Variants in ZNF148 observed in about 807,000 individuals in gnomAD.
The protein encoded by ZNF148 is zinc finger protein 148.
Under a neutral mutation model 67.7 loss-of-function variants are expected in ZNF148, and 7 were observed. The ratio of observed to expected loss-of-function variants is 0.10; its 90% CI spans 0.06 to 0.19. ZNF148 has a LOEUF of 0.19. ZNF148 is among the 10% of genes least tolerant of loss of function. ZNF148 has a pLI of 1.00. For missense variants in ZNF148, 583 were observed against 947.1 expected, an observed-to-expected ratio of 0.62 and a Z score of 5.05; for synonymous variants, 333 against 330.7, an observed-to-expected ratio of 1.01 and a Z score of -0.08.
chr3:125,263,917 C>T (rs986249218), intron 7 of ZNF148, among the ~76,000 whole-genome samples: 1 of 152,176 alleles, frequency 6.6e-6, no homozygotes, highest in African/African-American at 2.4e-5. Flanking sequence ...CCTCAACCTC[C>T]AGGAAGGGAA....
At chr3:125,236,546 G>A (rs1353655179) in intron 7 of ZNF148, among the ~76,000 whole-genome samples, 1 of 152,088 alleles carries the variant, frequency 6.6e-6, no homozygotes, top group African/African-American at 2.4e-5. Flanking sequence ...GGTGGGGAGG[G>A]AAATAACAGT....
chr3:125,331,348 T>G, intron 1 of ZNF148, 110 bp from the exon 2 acceptor site: 2 of 396,208 alleles, frequency 5.0e-6, no homozygotes, highest in South Asian at 2.7e-4. Flanking sequence ...TCTACCAAAA[T>G]TCTTTCCATG....
chr3:125,335,477 T>A (rs1267418275), intron 1 of ZNF148, among the ~76,000 whole-genome samples: 2 of 152,168 alleles, frequency 1.3e-5, no homozygotes, highest in African/African-American at 4.8e-5. Context: ...TTACCTAGAA[T>A]TTCCAGAAAA....
Position 125,228,801 on chromosome 3 carries a change from T to C in ZNF148, c.*3540A>G, listed in dbSNP as rs1382356109. 1.3e-5 allele frequency: 2 copies of C among 152,624 alleles called. No homozygotes were observed. Among genetic ancestry groups the C allele is most frequent in the Non-Finnish European group, 2.9e-5 (2 of 68,010 alleles). The allele number at this position is 152,624 out of a possible 1,614,324, so 9.5% of individuals were successfully genotyped here. A position where few individuals can be genotyped will look rare whatever the true frequency, so the allele number is the denominator to read the frequency against. On this transcript the variant is annotated 3_prime_UTR_variant, in exon 9 of 9. Coordinates refer to ENST00000360647, the MANE Select transcript of ZNF148 (RefSeq NM_021964.3). Reference sequence around the variant, plus strand: ...CTGTGCAGAATTAAAGATTCAATCATAGGTACATCCTTATTTGATGAACCA... The same window carrying C: ...CTGTGCAGAATTAAAGATTCAATCACAGGTACATCCTTATTTGATGAACCA...
chr3:125,281,454 T>A (rs944330507), intron 5 of ZNF148, among the ~76,000 whole-genome samples: 18 of 152,310 alleles, frequency 1.2e-4, no homozygotes, highest in Admixed American at 1.1e-3. Flanking sequence ...CACCAGGTAT[T>A]TTTTTTCATG....
At chr3:125,321,058 ATC>A (rs1940749324) in intron 3 of ZNF148, among the ~76,000 whole-genome samples, 1 of 152,176 alleles carries the variant, frequency 6.6e-6, no homozygotes, top group Admixed American at 6.5e-5. Flanking sequence ...TATAGTTTTG[ATC>A]TAAGCAGAAA....
At chr3:125,259,194 TA>T in intron 7 of ZNF148, among the ~76,000 whole-genome samples, 1 of 152,288 alleles carries the variant, frequency 6.6e-6, no homozygotes, top group Non-Finnish European at 1.5e-5. Context: ...TCCAATTTTT[TA>T]AATGCGTAAA....
intron 5 of ZNF148, among the ~76,000 whole-genome samples, chr3:125,286,074 T>C (rs1349408866): frequency 6.6e-6 from 1 of 152,094 alleles, no homozygotes; most frequent in Non-Finnish European, 1.5e-5. Flanking sequence ...ACCCCATAGA[T>C]CAGCAATGAA....
intron 1 of ZNF148, among the ~76,000 whole-genome samples, chr3:125,353,276 A>G (rs1252225836): frequency 6.6e-6 from 1 of 152,188 alleles, no homozygotes; most frequent in Non-Finnish European, 1.5e-5. Context: ...CCAGGGTACA[A>G]GGAGGAGTGT....
chr3:125,264,109 T>C (rs1452646079), intron 7 of ZNF148, among the ~76,000 whole-genome samples: 1 of 152,260 alleles, frequency 6.6e-6, no homozygotes, highest in Non-Finnish European at 1.5e-5. Flanking sequence ...CTTCCAGACC[T>C]TGTCCTGTGG....
At chr3:125,371,385 G>C (rs907439596) in intron 1 of ZNF148, among the ~76,000 whole-genome samples, 31 of 109,008 alleles carry the variant, frequency 2.8e-4, no homozygotes, top group Non-Finnish European at 4.5e-4. Context: ...GGGGGGGGGG[G>C]GCAGGGCGAA....
At position 125,279,339 on chromosome 3, in the gene ZNF148, G is replaced by A. The variant is rs945136205; in HGVS notation, c.460-92C>T. The A allele has an allele frequency of 2.1e-5, 21 of 984,790 alleles. No individual in the cohort carries two copies. In the Middle Eastern group the frequency reaches 1.4e-3, roughly 64 times the overall value. The allele number at this position is 984,790 out of a possible 1,614,324, so 61.0% of individuals were successfully genotyped here. ...TTAAAAAAAAGATAATGCAAACAAC[G>A]GTCACCACAGATTATGAAATATTTT... is the stretch of plus-strand genomic sequence containing the variant. On this transcript the variant is annotated intron_variant, in intron 5 of 8. Coordinates refer to ENST00000360647, the MANE Select transcript of ZNF148 (RefSeq NM_021964.3).
chr3:125,359,695 CA>C (rs1398180042), intron 1 of ZNF148, among the ~76,000 whole-genome samples: 1 of 152,210 alleles, frequency 6.6e-6, no homozygotes, highest in Non-Finnish European at 1.5e-5. Flanking sequence ...CTATCACTGA[CA>C]ATATTTTTTT....
intron 7 of ZNF148, among the ~76,000 whole-genome samples, chr3:125,239,946 C>A (rs1936270483): frequency 6.6e-6 from 1 of 152,096 alleles, no homozygotes; most frequent in African/African-American, 2.4e-5. Context: ...TGGGGAGTGA[C>A]TACTAACAGG....
chr3:125,372,219 C>G (rs1942914529), intron 1 of ZNF148, among the ~76,000 whole-genome samples: 1 of 152,184 alleles, frequency 6.6e-6, no homozygotes, highest in Non-Finnish European at 1.5e-5. Flanking sequence ...ATCCAAACTT[C>G]TCTTTATCAT....
intron 7 of ZNF148, among the ~76,000 whole-genome samples, chr3:125,251,485 T>C (rs1321200914): frequency 3.3e-5 from 5 of 152,208 alleles, no homozygotes; most frequent in Non-Finnish European, 7.3e-5. Context: ...AAGGGAACAT[T>C]AGACACTGCA....
At chr3:125,298,368 C>CACACACAG (rs1939399030) in intron 4 of ZNF148, among the ~76,000 whole-genome samples, 1 of 151,902 alleles carries the variant, frequency 6.6e-6, no homozygotes, top group Non-Finnish European at 1.5e-5. Flanking sequence ...CACACACACA[C>CACACACAG]ACACATGCTC....
chr3:125,235,265 T>C (rs190667593), intron 7 of ZNF148, among the ~76,000 whole-genome samples: 23 of 152,306 alleles, frequency 1.5e-4, no homozygotes, highest in African/African-American at 5.5e-4. Flanking sequence ...TCAAAGTTTA[T>C]AACATAATTG....
At position 125,337,371 on chromosome 3, in the gene ZNF148, A is replaced by G. The variant is rs373238929; in HGVS notation, c.-233-6133T>C. Among the ~76,000 whole-genome samples, 4 of 152,210 alleles carry G rather than the reference A, an allele frequency of 2.6e-5. No homozygotes were observed. The East Asian group carries it at 7.7e-4, about 29-fold the overall frequency. Reference sequence around the variant, plus strand: ...TCTAAATCACCTGCTTCCAGAAGAAACATTCCAAAACTAACCTATCACAGT... The same window carrying G: ...TCTAAATCACCTGCTTCCAGAAGAAGCATTCCAAAACTAACCTATCACAGT... On this transcript the variant is annotated intron_variant, in intron 1 of 8. Transcript: ENST00000360647.
Sources: gnomAD v4.1 joint callset for allele counts (sites outside exome capture counted in the v4.1 genomes callset) on GRCh38, gnomAD v4.1.1 for gene constraint, MANE v1.5 for transcripts, NCBI Gene and HGNC (gene_info 2026-07-23, HGNC 2026-07-21) for gene names.